Variants in RYR3 observed in about 807,000 individuals in gnomAD.
RYR3 encodes brain ryanodine receptor-calcium release channel.
Under a neutral mutation model 584.3 loss-of-function variants are expected in RYR3, and 207 were observed. That is an observed-to-expected ratio of 0.35 (90% CI 0.32 to 0.40). The LOEUF (loss-of-function observed/expected upper bound fraction) is 0.40. Among genes scored for constraint, RYR3 ranks in the 10% least tolerant of loss-of-function variants. The pLI is 1.00. For synonymous variants in RYR3, 2,416 were observed against 2,248.5 expected, an observed-to-expected ratio of 1.07 and a Z score of -2.11; for missense variants, 5,616 against 6,089.2, an observed-to-expected ratio of 0.92 and a Z score of 2.59.
intron 32 of RYR3, among the ~76,000 whole-genome samples, 179 bp from the exon 33 acceptor site, chr15:33,659,541 G>A (rs1826853189): frequency 6.6e-6 from 1 of 152,232 alleles, no homozygotes; most frequent in Non-Finnish European, 1.5e-5. Flanking sequence ...TTTAAGGTGT[G>A]GAATTGTGAC....
intron 3 of RYR3, among the ~76,000 whole-genome samples, chr15:33,525,196 A>G (rs1469840105): frequency 6.6e-6 from 1 of 152,222 alleles, no homozygotes; most frequent in Non-Finnish European, 1.5e-5. Flanking sequence ...ACTTGTGCTT[A>G]ATAACCCCGC....
At chr15:33,315,581 G>T (rs183016333) in intron 1 of RYR3, among the ~76,000 whole-genome samples, 1 of 152,316 alleles carries the variant, frequency 6.6e-6, no homozygotes. Flanking sequence ...TCACTTCAGG[G>T]CTTCCCATCT....
intron 1 of RYR3, among the ~76,000 whole-genome samples, chr15:33,368,249 A>G (rs573722795): frequency 7.9e-5 from 12 of 151,962 alleles, no homozygotes; most frequent in African/African-American, 1.9e-4. Context: ...AACTCATCCA[A>G]ATATATAACA....
intron 1 of RYR3, among the ~76,000 whole-genome samples, chr15:33,339,686 C>A (rs946494316): frequency 1.3e-5 from 2 of 151,982 alleles, no homozygotes; most frequent in African/African-American, 4.8e-5. Flanking sequence ...TCAGGAGATC[C>A]AGACCATCCT....
chr15:33,765,632 C>CA (rs761552773), intron 60 of RYR3, among the ~76,000 whole-genome samples: 1,880 of 60,252 alleles, frequency 0.031, 85 homozygotes, highest in East Asian at 0.25. Flanking sequence ...GACTCCGTCT[C>CA]AAAAAAAAAA....
intron 1 of RYR3, among the ~76,000 whole-genome samples, chr15:33,360,583 T>C (rs1392355405): frequency 6.6e-6 from 1 of 152,218 alleles, no homozygotes; most frequent in Non-Finnish European, 1.5e-5. Context: ...GTTCTGAATG[T>C]TTATACATAG....
At chr15:33,507,304 A>T (rs1324617528) in intron 3 of RYR3, among the ~76,000 whole-genome samples, 1 of 152,252 alleles carries the variant, frequency 6.6e-6, no homozygotes, top group African/African-American at 2.4e-5. Flanking sequence ...AAATGTCATT[A>T]GCTGCAGCCA....
chr15:33,817,572 A>G (rs915814972), intron 75 of RYR3, among the ~76,000 whole-genome samples: 2 of 149,118 alleles, frequency 1.3e-5, no homozygotes, highest in Non-Finnish European at 3.0e-5. Flanking sequence ...CTTACCACTC[A>G]CTCTCTCCGT....
chr15:33,319,068 C>T (rs111962818), intron 1 of RYR3, among the ~76,000 whole-genome samples: 3,594 of 152,302 alleles, frequency 0.024, 57 homozygotes, highest in Non-Finnish European at 0.037. Context: ...TGCACCCGAC[C>T]AGTGACAGGT....
rs148864920 is a variant in RYR3 at position 33,467,973 on chromosome 15, C to T, written c.52-5446C>T. Among the ~76,000 whole-genome samples, 725 of 152,252 alleles carry T rather than the reference C, an allele frequency of 4.8e-3. 3 individuals carry two copies. The highest frequency in any genetic ancestry group is 0.017 in the African/African-American group (691 of 41,542). The stretch of plus-strand genomic sequence containing the variant: ...CATCTATTTTTGTCAACACCATCAC[C>T]ATGGGCTTTAGAATCAGACAGACAT... On this transcript the variant is annotated intron_variant, in intron 1 of 103. Transcript: ENST00000634891.
chr15:33,696,687 A>G (rs960593624), intron 39 of RYR3, among the ~76,000 whole-genome samples, 196 bp downstream of exon 39: 1 of 152,224 alleles, frequency 6.6e-6, no homozygotes, highest in African/African-American at 2.4e-5. Context: ...CATTGCTAAA[A>G]GTATGGAGGA....
chr15:33,779,738 C>T (rs1392543077), intron 64 of RYR3, among the ~76,000 whole-genome samples: 1 of 152,124 alleles, frequency 6.6e-6, no homozygotes, highest in East Asian at 1.9e-4. Context: ...CGTGGTGGCT[C>T]ACGCCTGTAG....
chr15:33,853,497 T>C (rs766884686), intron 95 of RYR3, 58 bp from the exon 96 acceptor site: 100 of 1,587,340 alleles, frequency 6.3e-5, no homozygotes, highest in Non-Finnish European at 7.8e-5. Flanking sequence ...ACCCCAGAGC[T>C]AGAAAATATT....
chr15:33,576,700 C>T (rs1280866433), intron 12 of RYR3, among the ~76,000 whole-genome samples: 1 of 152,150 alleles, frequency 6.6e-6, no homozygotes, highest in East Asian at 1.9e-4. Flanking sequence ...CCCTTGAAAA[C>T]CAGCACAAGA....
In RYR3 at chr15:33,706,971, C is replaced by T; in HGVS notation, c.6536C>T (p.Ala2179Val). The T allele has an allele frequency of 6.2e-7, 1 of 1,613,094 alleles. No homozygotes were observed. The highest frequency in any genetic ancestry group is 8.5e-7 in the Non-Finnish European group (1 of 1,179,600). ...CTACAGAGCTGCCCCATGCTTCTGG[C>T]CAAAGGATACCCTGATGTCGGCTGG... ...CGLQSCPMLLAKGYPDVGWNP... is the reference protein window; with the variant it reads ...CGLQSCPMLLVKGYPDVGWNP... Residue 2179 changes from alanine to valine, a missense_variant, in exon 43 of 104, where the codon GCC becomes GTC. Around this residue, in one of 9 missense-constraint regions of RYR3, gnomAD observed 1,280 missense variants for 1,426.2 expected, o/e 0.90. Coordinates refer to ENST00000634891, the MANE Select transcript of RYR3 (RefSeq NM_001036.6).
intron 60 of RYR3, among the ~76,000 whole-genome samples, chr15:33,762,998 A>G (rs1298142589): frequency 6.6e-6 from 1 of 152,236 alleles, no homozygotes; most frequent in African/African-American, 2.4e-5. Flanking sequence ...GACAAACCTG[A>G]CAAAAACAAG....
At chr15:33,609,403 C>T (rs2060059844) in intron 18 of RYR3, among the ~76,000 whole-genome samples, 1 of 152,022 alleles carries the variant, frequency 6.6e-6, no homozygotes, top group Admixed American at 6.6e-5. Context: ...AACCTGTAAT[C>T]CCAGCACTTT....
rs751258576 is a variant in RYR3 at position 33,728,936 on chromosome 15, C to T, written c.7113C>T (p.Arg2371=). Residue 2371 remains arginine, a synonymous_variant, in exon 47 of 104, where the codon CGC becomes CGT. Coordinates refer to ENST00000634891, the MANE Select transcript of RYR3 (RefSeq NM_001036.6). The part of the protein sequence containing the change: ...HKAPMVLFLD[R]VYGIKDQTFL... Reference sequence around the variant, plus strand: ...CACCTATGGTGCTGTTCTTGGACCGCGTTTATGGCATTAAGGATCAAACTT... The same window carrying T: ...CACCTATGGTGCTGTTCTTGGACCGTGTTTATGGCATTAAGGATCAAACTT... 74 of 1,613,666 alleles carry T rather than the reference C, an allele frequency of 4.6e-5. No individual in the cohort carries two copies. Among genetic ancestry groups the T allele is most frequent in the African/African-American group, 5.3e-5 (4 of 74,912 alleles).
intron 3 of RYR3, among the ~76,000 whole-genome samples, chr15:33,504,658 C>G (rs2052310056): frequency 6.6e-6 from 1 of 152,142 alleles, no homozygotes; most frequent in African/African-American, 2.4e-5. Flanking sequence ...AGATAAATTC[C>G]AAATTCCTAA....
Sources: allele counts gnomAD v4.1 joint callset (sites outside exome capture counted in the v4.1 genomes callset), GRCh38; gene constraint gnomAD v4.1.1; regional missense constraint gnomAD v4.1.1; transcripts MANE v1.5; gene names NCBI Gene and HGNC (gene_info 2026-07-23, HGNC 2026-07-21).